Variants in H1-2 observed in about 807,000 individuals in gnomAD.
The protein encoded by H1-2 is histone H1.2.
A neutral mutation model predicts 7.2 loss-of-function variants in H1-2; 7 were observed. The observed-to-expected ratio is 0.97, with a 90% CI of 0.55 to 1.82. The LOEUF is 1.82. Ranked by LOEUF, H1-2 falls within the 40% of genes most tolerant of loss-of-function variation. The probability of loss-of-function intolerance (pLI) is 0.00; values close to 1 mark genes in which losing one functional copy is unlikely to be tolerated. For synonymous variants in H1-2, 300 were observed against 118.2 expected (o/e 2.54, Z -9.98); for missense variants, 703 against 276.6 (o/e 2.54, Z -10.94).
rs747424919 is a variant in H1-2 at position 26,055,932 on chromosome 6, A to T, written c.497T>A (p.Val166Glu). 7 of 1,614,076 alleles carry T rather than the reference A, an allele frequency of 4.3e-6. No individual in the cohort carries two copies. Among genetic ancestry groups the T allele is most frequent in the Non-Finnish European group, 5.9e-6 (7 of 1,179,998 alleles). ...TGGGCTCTTAGCCACTTTCTTGGTTACAGTGGCCGCGGCCGGCTTCTTCGC... is the reference window on the plus strand; with the variant it reads ...TGGGCTCTTAGCCACTTTCTTGGTTTCAGTGGCCGCGGCCGGCTTCTTCGC... ...KKAKKPAAAT[V>E]TKKVAKSPKK... Residue 166 changes from valine to glutamate, a missense_variant, in exon 1 of 1, where the codon GTA becomes GAA. Physicochemically the swap from Val to Glu is moderately radical, Grantham distance 121. Transcript: ENST00000343677.
At position 26,055,743 on chromosome 6, in the gene H1-2, T is replaced by C. The variant is rs773962521; in HGVS notation, c.*44A>G. The C allele has an allele frequency of 1.2e-5, 18 of 1,488,290 alleles. No individual in the cohort carries two copies. The highest frequency in any genetic ancestry group is 1.6e-5 in the Non-Finnish European group (17 of 1,095,830). The allele number at this position is 1,488,290 out of a possible 1,614,324, so 92.2% of individuals were successfully genotyped here. ...CCAGCTCTTTTATTGAGATCAGTGG[T>C]GGCTCTGAAAAGAGCCTTTTGGGTT... On this transcript the variant is annotated 3_prime_UTR_variant, in exon 1 of 1. Coordinates refer to ENST00000343677, the MANE Select transcript of H1-2 (RefSeq NM_005319.4).
Position 26,056,163 on chromosome 6 carries a change from C to T in H1-2, c.266G>A (p.Ser89Asn), listed in dbSNP as rs370479531. The T allele has an allele frequency of 3.1e-6, 5 of 1,614,120 alleles. No individual in the cohort carries two copies. The highest frequency in any genetic ancestry group is 1.3e-5 in the African/African-American group (1 of 74,940). The change falls in exon 1 of 1, where the codon AGC (serine) becomes AAC (asparagine). Residue 89 changes from serine (S) to asparagine (N), a missense_variant. Physicochemically the swap from Ser to Asn is conservative, Grantham distance 46. Transcript: ENST00000343677. ...TTTCGTTTGCACCAGAGTGCCCTTG[C>T]TCACCAGGCTCTTGAGACCAAGTTT... is the stretch of plus-strand genomic sequence containing the variant. The part of the protein sequence containing the change: ...RIKLGLKSLV[S>N]KGTLVQTKGT...
rs756137586 is a variant in H1-2 at position 26,056,394 on chromosome 6, G to A, written c.35C>T (p.Ala12Val). Reference sequence around the variant, plus strand: ...TACAGGGGCCTTCTCCGCAGGAGGCGCGGCAGCGGGAGCGGCAGGAGCAGT... The same window carrying A: ...TACAGGGGCCTTCTCCGCAGGAGGCACGGCAGCGGGAGCGGCAGGAGCAGT... ...SETAPAAPAA[A>V]PPAEKAPVKK... is the part of the protein sequence containing the mutation. Residue 12 changes from alanine to valine, a missense_variant, in exon 1 of 1, where the codon GCG becomes GTG. Transcript: ENST00000343677. 4 of 1,600,874 alleles carry A rather than the reference G, an allele frequency of 2.5e-6. No individual in the cohort carries two copies. In the South Asian group the frequency reaches 3.3e-5, roughly 13 times the overall value.
chr6:26,056,033 A>C lies in H1-2; in HGVS notation c.396T>G (p.Val132=), dbSNP rs1561927245. 1 of 1,613,968 alleles carries C rather than the reference A, an allele frequency of 6.2e-7. No homozygotes were observed. The change falls in exon 1 of 1, where the codon GTT becomes GTG. Residue 132 remains valine (V), a synonymous_variant. Transcript: ENST00000343677. The part of the protein sequence containing the change: ...KAGGTKPKKP[V]GAAKKPKKAA... ...CCTTCTTGGGCTTCTTGGCTGCCCC[A>C]ACTGGCTTCTTAGGTTTGGTTCCGC...
chr6:26,056,393 CGCGGCA>C lies in H1-2; in HGVS notation c.30_35del (p.Ala11_Ala12del), dbSNP rs1761931275. The C allele has an allele frequency of 6.2e-7, 1 of 1,600,454 alleles. No homozygotes were observed. On this transcript the variant is annotated inframe_deletion, in exon 1 of 1. Transcript: ENST00000343677. ...TTACAGGGGCCTTCTCCGCAGGAGG[CGCGGCA>C]GCGGGAGCGGCAGGAGCAGTCTCGG... is the stretch of plus-strand genomic sequence containing the variant.
At position 26,056,072 on chromosome 6, in the gene H1-2, C is replaced by G. The variant is rs767132743; in HGVS notation, c.357G>C (p.Lys119Asn). ...GTTTGGTTCCGCCCGCCTTTTTAAC[C>G]TTGGGCTTGGCTTCCCCGGAGGCTG... ...KKAASGEAKP[K>N]VKKAGGTKPK... Residue 119 changes from lysine (K) to asparagine (N), a missense_variant, in exon 1 of 1, where the codon AAG becomes AAC. Physicochemically the swap from Lys to Asn is moderately conservative, Grantham distance 94. Coordinates refer to ENST00000343677, the MANE Select transcript of H1-2 (RefSeq NM_005319.4). The G allele has an allele frequency of 1.9e-6, 3 of 1,614,194 alleles. No homozygotes were observed. The highest frequency in any genetic ancestry group is 1.3e-5 in the African/African-American group (1 of 75,048).
Sources: allele counts gnomAD v4.1 joint callset, GRCh38; gene constraint gnomAD v4.1.1; transcripts MANE v1.5; gene names NCBI Gene and HGNC (gene_info 2026-07-23, HGNC 2026-07-21).